CDYL: variants seen among roughly 807,000 people sequenced by gnomAD.
CDYL encodes the protein chromodomain Y-like protein.
A neutral mutation model predicts 47.3 loss-of-function variants in CDYL; 8 were observed. That is an observed-to-expected ratio of 0.17 (90% CI 0.10 to 0.31). The LOEUF is 0.31. CDYL is among the 10% of genes least tolerant of loss of function. The pLI is 1.00. For missense variants in CDYL, 471 were observed against 701.4 expected (o/e 0.67, Z 3.71); for synonymous variants, 266 against 265.0 (o/e 1.00, Z -0.04).
rs11966448 is a variant in CDYL, at chr6:4,820,043, G to A, written c.24+43236G>A. On this transcript the variant is annotated intron_variant, in intron 1 of 6. Coordinates refer to ENST00000397588, the MANE Select transcript of CDYL (RefSeq NM_004824.4). ...ATGAGGAGAGGGGCCATCCTAGGCC[G>A]TGGTGGGGAATGCAGGCTGATTCCT... is the stretch of plus-strand genomic sequence containing the variant. Among the ~76,000 whole-genome samples the A allele has an allele frequency of 5.9e-3, 896 of 152,278 alleles. 8 individuals are homozygous for A. Among genetic ancestry groups the A allele is most frequent in the African/African-American group, 0.021 (857 of 41,550 alleles).
chr6:4,779,371 TGGTCTGGTAGGAGGACA>T (rs1758551393), intron 1 of CDYL, among the ~76,000 whole-genome samples: 2 of 152,018 alleles, frequency 1.3e-5, no homozygotes, highest in Admixed American at 6.5e-5. Flanking sequence ...TGAACTCACA[TGGTCTGGTAGGAGGACA>T]GGTCTGCAGT....
At chr6:4,809,549 C>G (rs1015286208) in intron 1 of CDYL, among the ~76,000 whole-genome samples, 5 of 147,374 alleles carry the variant, frequency 3.4e-5, no homozygotes, top group African/African-American at 1.3e-4. Flanking sequence ...TTATATTAGT[C>G]CTTGGTGATA....
intron 4 of CDYL, among the ~76,000 whole-genome samples, chr6:4,939,627 A>T (rs766239295): frequency 5.1e-4 from 77 of 151,978 alleles, no homozygotes; most frequent in Non-Finnish European, 8.7e-4. Context: ...CTCCTAGGGG[A>T]TTTCATCCCT....
intron 2 of CDYL, among the ~76,000 whole-genome samples, chr6:4,913,557 G>T (rs893998066): frequency 6.6e-6 from 1 of 152,160 alleles, no homozygotes; most frequent in Non-Finnish European, 1.5e-5. Flanking sequence ...TGCATGACTG[G>T]CAAACAATTT....
intron 3 of CDYL, among the ~76,000 whole-genome samples, chr6:4,756,554 T>C (rs950683046): frequency 4.0e-5 from 6 of 150,480 alleles, no homozygotes; most frequent in African/African-American, 1.5e-4. Flanking sequence ...TGTGTAGTAA[T>C]TGTAGTAATT....
intron 1 of CDYL, among the ~76,000 whole-genome samples, chr6:4,876,440 T>G (rs1461631895): frequency 6.6e-6 from 1 of 152,214 alleles, no homozygotes; most frequent in Non-Finnish European, 1.5e-5. Context: ...GGCTGTCCCA[T>G]TTTAAAATCC....
intron 2 of CDYL, among the ~76,000 whole-genome samples, chr6:4,721,582 C>T (rs573049556): frequency 1.3e-5 from 2 of 152,148 alleles, no homozygotes; most frequent in East Asian, 3.9e-4. Flanking sequence ...TGGTTTTGCC[C>T]TGTTGGCCAG....
At chr6:4,762,106 G>A (rs1215451492) in intron 3 of CDYL, among the ~76,000 whole-genome samples, 1 of 152,190 alleles carries the variant, frequency 6.6e-6, no homozygotes, top group Non-Finnish European at 1.5e-5. Flanking sequence ...AGGTGACAGG[G>A]ATTGGTGCTC....
At chr6:4,783,419 T>A (rs75542922) in intron 1 of CDYL, among the ~76,000 whole-genome samples, 14 of 128,894 alleles carry the variant, frequency 1.1e-4, no homozygotes, top group African/African-American at 3.7e-4. Flanking sequence ...TCTTGAGACT[T>A]TTTTTTTTTT....
chr6:4,717,703 C>CAAAAAAAAAAAAAAAAAAAAAAAA (rs200835710), intron 2 of CDYL, among the ~76,000 whole-genome samples: 1 of 49,340 alleles, frequency 2.0e-5, no homozygotes, highest in African/African-American at 9.3e-5. Context: ...AAGACCCTCA[C>CAAAAAAAAAAAAAAAAAAAAAAAA]AAAAAAAAAA....
At chr6:4,801,339 G>A (rs563316625) in intron 1 of CDYL, among the ~76,000 whole-genome samples, 1 of 152,250 alleles carries the variant, frequency 6.6e-6, no homozygotes, top group East Asian at 1.9e-4. Context: ...TTTGAAGTCT[G>A]TTAAATCCAA....
intron 2 of CDYL, among the ~76,000 whole-genome samples, chr6:4,898,193 G>T (rs1163653734): frequency 6.7e-6 from 1 of 150,068 alleles, no homozygotes; most frequent in Admixed American, 6.7e-5. Context: ...CTACACTCCA[G>T]CCTATTCCAC....
chr6:4,901,131 C>T (rs530279231), intron 2 of CDYL, among the ~76,000 whole-genome samples: 19 of 151,724 alleles, frequency 1.3e-4, no homozygotes, highest in African/African-American at 4.1e-4. Context: ...TTACTTTGGG[C>T]TTATATGAAG....
chr6:4,932,371 C>T (rs1439674694), intron 2 of CDYL, among the ~76,000 whole-genome samples: 1 of 152,170 alleles, frequency 6.6e-6, no homozygotes, highest in African/African-American at 2.4e-5. Flanking sequence ...GGTGTCGGCC[C>T]TCATTTATAA....
At chr6:4,889,673 C>G (rs1457877394) in intron 1 of CDYL, among the ~76,000 whole-genome samples, 1 of 152,098 alleles carries the variant, frequency 6.6e-6, no homozygotes. Flanking sequence ...TATTGTGTCT[C>G]GCTACTTCCT....
chr6:4,953,191 C>T (rs1379183788), intron 6 of CDYL, among the ~76,000 whole-genome samples: 1 of 151,736 alleles, frequency 6.6e-6, no homozygotes, highest in Non-Finnish European at 1.5e-5. Flanking sequence ...GGAGACCAGC[C>T]TGGCCAACAT....
At chr6:4,723,994 A>G (rs1022986863) in intron 2 of CDYL, among the ~76,000 whole-genome samples, 1 of 152,166 alleles carries the variant, frequency 6.6e-6, no homozygotes, top group Admixed American at 6.5e-5. Flanking sequence ...AAATTATTTT[A>G]CTCATCCCAC....
At chr6:4,770,639 A>C (rs1398439720) in intron 3 of CDYL, among the ~76,000 whole-genome samples, 2 of 152,186 alleles carry the variant, frequency 1.3e-5, no homozygotes, top group Non-Finnish European at 2.9e-5. Context: ...ATTGTGTGGA[A>C]AGATAAGGCC....
chr6:4,938,184 T>A (rs1758256227), intron 4 of CDYL, among the ~76,000 whole-genome samples: 1 of 152,170 alleles, frequency 6.6e-6, no homozygotes, highest in South Asian at 2.1e-4. Context: ...TATGATGAGA[T>A]AGCTCCGTAA....
Sources: gnomAD v4.1 joint callset for allele counts (sites outside exome capture counted in the v4.1 genomes callset) on GRCh38, gnomAD v4.1.1 for gene constraint, MANE v1.5 for transcripts, NCBI Gene and HGNC (gene_info 2026-07-23, HGNC 2026-07-21) for gene names.